Variants in GBF1 observed in about 807,000 individuals in gnomAD.
GBF1 encodes the protein golgi brefeldin A resistant guanine nucleotide exchange factor 1.
In GBF1, 114 loss-of-function variants were observed where a neutral mutation model predicts 210.5. The observed-to-expected ratio is 0.54, with a 90% CI of 0.47 to 0.63. The LOEUF is 0.63. GBF1 is among the 30% of genes least tolerant of loss of function. The pLI is 0.00. For synonymous variants in GBF1, 850 were observed against 889.2 expected (o/e 0.96, Z 0.78); for missense variants, 1,851 against 2,357.7 (o/e 0.79, Z 4.45).
the GBF1 span, chr10:102,231,610 T>C: frequency 6.2e-7 from 1 of 1,607,924 alleles, no homozygotes; most frequent in Non-Finnish European, 8.5e-7. Flanking sequence ...CTCGGTGAGG[T>C]TGGTCCACAC....
At chr10:102,341,382 G>A (rs79440552) in intron 3 of GBF1, among the ~76,000 whole-genome samples, 1,856 of 152,300 alleles carry the variant, frequency 0.012, 32 homozygotes, top group African/African-American at 0.043. Flanking sequence ...CATTGGAAAA[G>A]AGTTTGACAG....
chr10:102,269,880 ATT>A (rs776817923), intron 3 of GBF1, among the ~76,000 whole-genome samples: 5 of 141,890 alleles, frequency 3.5e-5, no homozygotes, highest in Non-Finnish European at 4.7e-5. Flanking sequence ...ATTCTCTCCA[ATT>A]TTTTTTTTTT....
chr10:102,365,637 A>T, intron 18 of GBF1, 38 bp downstream of exon 18: 1 of 1,529,750 alleles, frequency 6.5e-7, no homozygotes, highest in Non-Finnish European at 9.1e-7. Context: ...ATAGCCAGGT[A>T]TGGTGGCTCA....
chr10:102,339,159 T>C (rs914873412), intron 3 of GBF1, among the ~76,000 whole-genome samples: 1 of 152,052 alleles, frequency 6.6e-6, no homozygotes, highest in Non-Finnish European at 1.5e-5. Flanking sequence ...GGTCAGGAGT[T>C]CAAGACCAGC....
chr10:102,364,183 G>A (rs189162822), intron 17 of GBF1, among the ~76,000 whole-genome samples: 4 of 141,190 alleles, frequency 2.8e-5, no homozygotes, highest in East Asian at 2.4e-4. Context: ...GGTTCAAATA[G>A]TAAGGTTCAA....
Position 102,342,854 on chromosome 10 carries a change from A to G in GBF1, c.164-1197A>G, listed in dbSNP as rs189417993. Among the ~76,000 whole-genome samples, 547 of 152,318 alleles carry G rather than the reference A, an allele frequency of 3.6e-3. 13 individuals are homozygous for G. In the South Asian group the frequency reaches 0.071, roughly 20 times the overall value. On this transcript the variant is annotated intron_variant, in intron 3 of 39. Transcript: ENST00000369983. ...GGTCAGAGTAAGGTAGGGAGTAAGTACAGTGTAGTATTCTTTGACCTAGAA... is the reference window on the plus strand; with the variant it reads ...GGTCAGAGTAAGGTAGGGAGTAAGTGCAGTGTAGTATTCTTTGACCTAGAA...
chr10:102,328,280 C>A (rs1384778825), intron 3 of GBF1, among the ~76,000 whole-genome samples: 1 of 152,120 alleles, frequency 6.6e-6, no homozygotes, highest in African/African-American at 2.4e-5. Context: ...ATCACTTGAA[C>A]CCAGGAGTTC....
intron 3 of GBF1, among the ~76,000 whole-genome samples, chr10:102,261,817 T>C (rs990724711): frequency 6.6e-6 from 1 of 152,066 alleles, no homozygotes; most frequent in Non-Finnish European, 1.5e-5. Flanking sequence ...AGACGGAGTT[T>C]CACCATGTTG....
intron 3 of GBF1, among the ~76,000 whole-genome samples, chr10:102,307,396 T>C (rs1240437163): frequency 2.6e-5 from 4 of 151,860 alleles, no homozygotes; most frequent in Non-Finnish European, 5.9e-5. Flanking sequence ...CATTTTTGCT[T>C]TTTGAAAGGA....
chr10:102,323,239 G>GAAAAAAAAAAA (rs775888621), intron 3 of GBF1, among the ~76,000 whole-genome samples: 15 of 65,816 alleles, frequency 2.3e-4, no homozygotes, highest in Non-Finnish European at 3.9e-4. Flanking sequence ...CTCCAAAATT[G>GAAAAAAAAAAA]AAAAAAAAAA....
At position 102,375,451 on chromosome 10, in the gene GBF1, G is replaced by A. The variant is rs1205045835; in HGVS notation, c.3753G>A (p.Leu1251=). 6.2e-7 allele frequency: 1 copy of A among 1,613,420 alleles called. No individual in the cohort carries two copies. Among genetic ancestry groups the A allele is most frequent in the East Asian group, 2.2e-5 (1 of 44,878 alleles). ...TTGCGTATGGGCTCCATGAACTCCTGAAGACCAATGCAGCCAACATCCACT... is the reference window on the plus strand; with the variant it reads ...TTGCGTATGGGCTCCATGAACTCCTAAAGACCAATGCAGCCAACATCCACT... ...HQVAYGLHEL[L]KTNAANIHSG... Residue 1251 remains leucine (L), a synonymous_variant, in exon 30 of 40, where the codon CTG becomes CTA. Coordinates refer to ENST00000369983, the MANE Select transcript of GBF1 (RefSeq NM_001377137.1).
chr10:102,357,921 T>A (rs139083944), intron 8 of GBF1, 118 bp from the exon 9 acceptor site: 12,707 of 730,260 alleles, frequency 0.017, 166 homozygotes, highest in Middle Eastern at 0.031. Context: ...AGTCTTACTT[T>A]AGCAAAGATA....
intron 3 of GBF1, among the ~76,000 whole-genome samples, chr10:102,272,444 T>C (rs781562136): frequency 3.9e-5 from 6 of 152,260 alleles, no homozygotes; most frequent in Non-Finnish European, 8.8e-5. Flanking sequence ...TTGCTTCTTA[T>C]GGTGACTGCC....
At chr10:102,236,975 A>T in the GBF1 span, among the ~76,000 whole-genome samples, 12 of 152,200 alleles carry the variant, frequency 7.9e-5, no homozygotes, top group Non-Finnish European at 4.4e-5. Context: ...TGCAGTGTGC[A>T]AATGGGAGCA....
At chr10:102,338,399 C>A (rs941706978) in intron 3 of GBF1, among the ~76,000 whole-genome samples, 1 of 151,676 alleles carries the variant, frequency 6.6e-6, no homozygotes, top group Non-Finnish European at 1.5e-5. Context: ...TGCCACCACA[C>A]CAGGCTAATT....
intron 1 of GBF1, among the ~76,000 whole-genome samples, chr10:102,249,645 C>G (rs2071252003): frequency 6.6e-6 from 1 of 151,348 alleles, no homozygotes; most frequent in South Asian, 2.1e-4. Flanking sequence ...TGTTCCTAGG[C>G]CAGCTCTGGA....
intron 3 of GBF1, among the ~76,000 whole-genome samples, chr10:102,305,041 G>A (rs891061528): frequency 6.6e-6 from 1 of 151,952 alleles, no homozygotes; most frequent in African/African-American, 2.4e-5. Flanking sequence ...AATTAGCTGG[G>A]TGTGGTGGTT....
At chr10:102,368,596 T>A (rs941230339) in intron 22 of GBF1, 142 bp downstream of exon 22, 3 of 804,760 alleles carry the variant, frequency 3.7e-6, no homozygotes, top group Non-Finnish European at 6.2e-6. Context: ...GAAGCTTGGG[T>A]AGGCTCAGTC....
chr10:102,244,331 G>T (rs1303108152), upstream of GBF1, among the ~76,000 whole-genome samples: 1 of 152,252 alleles, frequency 6.6e-6, no homozygotes, highest in East Asian at 1.9e-4. Flanking sequence ...CCTCCCAGCA[G>T]CTTCTCCAGG....
Sources: allele counts gnomAD v4.1 joint callset (sites outside exome capture counted in the v4.1 genomes callset), GRCh38; gene constraint gnomAD v4.1.1; transcripts MANE v1.5; gene names NCBI Gene and HGNC (gene_info 2026-07-23, HGNC 2026-07-21).